WDR59: variants seen among roughly 807,000 people sequenced by gnomAD.
WDR59 encodes GATOR2 complex protein WDR59.
WDR59 carries 100 observed loss-of-function variants against 131.2 expected under a neutral mutation model. The ratio of observed to expected loss-of-function variants is 0.76; its 90% CI spans 0.65 to 0.90. The LOEUF is 0.90. Ranked by LOEUF, WDR59 falls within the 40% of genes least tolerant of loss-of-function variation. The pLI, the probability that WDR59 is intolerant of heterozygous loss-of-function variation, is 0.00. For synonymous variants in WDR59, 601 were observed against 466.2 expected (o/e 1.29, Z -3.72); for missense variants, 1,203 against 1,262.2 (o/e 0.95, Z 0.71).
At chr16:74,982,319 T>C (rs2034460295) in intron 1 of WDR59, among the ~76,000 whole-genome samples, 1 of 151,978 alleles carries the variant, frequency 6.6e-6, no homozygotes, top group Non-Finnish European at 1.5e-5. Context: ...ACCATGCTAA[T>C]TCACATAAAG....
chr16:74,887,516 C>G (rs1964825023), intron 23 of WDR59, among the ~76,000 whole-genome samples, 167 bp downstream of exon 23: 1 of 152,146 alleles, frequency 6.6e-6, no homozygotes, highest in African/African-American at 2.4e-5. Flanking sequence ...GTGGTCTGTT[C>G]AACATGCAAA....
chr16:74,969,098 C>G (rs2033882016), intron 1 of WDR59, among the ~76,000 whole-genome samples: 1 of 152,108 alleles, frequency 6.6e-6, no homozygotes, highest in African/African-American at 2.4e-5. Flanking sequence ...TTTTGTATGA[C>G]CACACTGCAA....
chr16:74,971,902 G>C (rs1307498945), intron 1 of WDR59, among the ~76,000 whole-genome samples: 1 of 151,934 alleles, frequency 6.6e-6, no homozygotes, highest in Non-Finnish European at 1.5e-5. Flanking sequence ...AGAGATGGGG[G>C]GTCGCTATGT....
At chr16:74,932,210 T>C (rs922570473) in intron 8 of WDR59, among the ~76,000 whole-genome samples, 18 of 146,536 alleles carry the variant, frequency 1.2e-4, no homozygotes, top group African/African-American at 4.0e-4. Context: ...CCTCCTGCCT[T>C]AGCTTCCTGA....
intron 24 of WDR59, 94 bp downstream of exon 24, chr16:74,886,176 C>CAAAAAAAAAAAAAA: frequency 9.7e-7 from 1 of 1,032,826 alleles, no homozygotes; most frequent in South Asian, 1.6e-5. Flanking sequence ...GATTCTGTGT[C>CAAAAAAAAAAAAAA]CAAAAAAAAA....
chr16:74,940,632 A>G (rs894858580), intron 7 of WDR59, among the ~76,000 whole-genome samples: 1 of 152,176 alleles, frequency 6.6e-6, no homozygotes, highest in Non-Finnish European at 1.5e-5. Flanking sequence ...AAAGTGCCAG[A>G]GAAGTGAAAA....
Position 74,969,572 on chromosome 16 carries a change from GTTTT to G in WDR59, c.55-3754_55-3751del, listed in dbSNP as rs539293401. ...AGGTGTGAGCCACTGCACCCGGCCT[GTTTT>G]TTTGTTTTTATTTTTGAGATGGAGT... is the stretch of plus-strand genomic sequence containing the variant. On this transcript the variant is annotated intron_variant, in intron 1 of 25. Coordinates refer to ENST00000262144, the MANE Select transcript of WDR59 (RefSeq NM_030581.4). 3.5e-4 allele frequency among the ~76,000 whole-genome samples: 48 copies of G among 135,326 alleles called. No individual in the cohort carries two copies. The East Asian group carries it at 0.01, about 29-fold the overall frequency. 88.8% of individuals were successfully genotyped at this position (135,326 alleles called of 152,430 possible).
chr16:74,915,254 C>T (rs563907312), intron 13 of WDR59, among the ~76,000 whole-genome samples: 57 of 152,214 alleles, frequency 3.7e-4, no homozygotes, highest in African/African-American at 1.3e-3. Flanking sequence ...AATCACTAAG[C>T]CTCCAGGGCC....
At chr16:74,912,663 G>A (rs1966156934) in intron 13 of WDR59, among the ~76,000 whole-genome samples, 1 of 152,208 alleles carries the variant, frequency 6.6e-6, no homozygotes, top group African/African-American at 2.4e-5. Flanking sequence ...ATAGAGGTGT[G>A]GAGTGGGAAA....
intron 1 of WDR59, among the ~76,000 whole-genome samples, chr16:74,978,437 G>GC (rs2034273552): frequency 6.6e-6 from 1 of 151,988 alleles, no homozygotes; most frequent in Admixed American, 6.6e-5. Context: ...GCTGCACTCA[G>GC]CAAGGACTGT....
intron 2 of WDR59, among the ~76,000 whole-genome samples, chr16:74,958,952 A>G (rs12919260): frequency 0.57 from 86,027 of 151,918 alleles, 25,758 homozygotes; most frequent in East Asian, 0.76. Context: ...CCAGCTACTC[A>G]GGAGACCAAG....
intron 8 of WDR59, among the ~76,000 whole-genome samples, chr16:74,929,115 C>T (rs2031146319): frequency 6.6e-6 from 1 of 152,118 alleles, no homozygotes; most frequent in African/African-American, 2.4e-5. Flanking sequence ...CACTCTGTCG[C>T]CCGGGCTGGA....
At chr16:74,878,645 C>T (rs1445374318) in intron 25 of WDR59, among the ~76,000 whole-genome samples, 1 of 151,990 alleles carries the variant, frequency 6.6e-6, no homozygotes, top group Non-Finnish European at 1.5e-5. Flanking sequence ...GACCTTGTTC[C>T]CACCCCCTCG....
At position 74,909,519 on chromosome 16, in the gene WDR59, C is replaced by A; in HGVS notation, c.1624G>T (p.Ala542Ser). Residue 542 changes from alanine to serine, a missense_variant, in exon 16 of 26, where the codon GCC becomes TCC. Transcript: ENST00000262144. ...GACCCACCTGCTCCGCAGAACCTGG[C>A]CCCAGAAGTCCTAGGAAAGGGAATG... Reference protein sequence around the residue: ...ANIPFPRTSGARFCGAGYLVY... With the variant: ...ANIPFPRTSGSRFCGAGYLVY... The A allele has an allele frequency of 6.3e-7, 1 of 1,587,314 alleles. No individual in the cohort carries two copies. Among genetic ancestry groups the A allele is most frequent in the Non-Finnish European group, 8.5e-7 (1 of 1,169,930 alleles).
chr16:74,926,503 A>G (rs1213709989), intron 8 of WDR59, among the ~76,000 whole-genome samples: 1 of 152,218 alleles, frequency 6.6e-6, no homozygotes, highest in Non-Finnish European at 1.5e-5. Context: ...TCCTTCTTAC[A>G]AAAGAAACCA....
chr16:74,909,662 A>T lies in WDR59; in HGVS notation c.1486-5T>A. 6.4e-7 allele frequency: 1 copy of T among 1,559,274 alleles called. No individual in the cohort carries two copies. On this transcript the variant is annotated splice_region_variant and splice_polypyrimidine_tract_variant and intron_variant, in intron 15 of 25. Coordinates refer to ENST00000262144, the MANE Select transcript of WDR59 (RefSeq NM_030581.4). ...GGAAGCGCTGTCTTCCTGGTTCTGA[A>T]ATTTAAAAATCCACAAGCTAAAAAC...
chr16:74,876,094 G>C (rs759326255), intron 25 of WDR59, among the ~76,000 whole-genome samples: 1 of 152,108 alleles, frequency 6.6e-6, no homozygotes, highest in Non-Finnish European at 1.5e-5. Flanking sequence ...TTACAACAGA[G>C]GGAGGGTCCT....
At chr16:74,900,615 C>G (rs754101576) in intron 18 of WDR59, among the ~76,000 whole-genome samples, 4 of 152,152 alleles carry the variant, frequency 2.6e-5, no homozygotes, top group Admixed American at 2.6e-4. Context: ...AGTCGGTTCA[C>G]TTGTCAAATG....
chr16:74,896,528 G>A (rs928186078), intron 18 of WDR59, among the ~76,000 whole-genome samples: 9 of 152,042 alleles, frequency 5.9e-5, no homozygotes, highest in Admixed American at 2.6e-4. Flanking sequence ...CCAGCTATTC[G>A]GGAGGCTGAG....
Sources: allele counts gnomAD v4.1 joint callset (sites outside exome capture counted in the v4.1 genomes callset), GRCh38; gene constraint gnomAD v4.1.1; transcripts MANE v1.5; gene names NCBI Gene and HGNC (gene_info 2026-07-23, HGNC 2026-07-21).